CDIP1: variants seen among roughly 807,000 people sequenced by gnomAD.
The protein encoded by CDIP1 is cell death-inducing p53-target protein 1.
In CDIP1, 9 loss-of-function variants were observed where a neutral mutation model predicts 17.7. The observed-to-expected ratio is 0.51, with a 90% CI of 0.31 to 0.89. The LOEUF (loss-of-function observed/expected upper bound fraction) is 0.89, where lower values mean the gene tolerates loss of function less well. CDIP1 is among the 40% of genes least tolerant of loss of function. The pLI, the probability that CDIP1 is intolerant of heterozygous loss-of-function variation, is 0.05. For missense variants in CDIP1, 263 were observed against 277.9 expected (o/e 0.95, Z 0.38); for synonymous variants, 117 against 109.5 (o/e 1.07, Z -0.43).
At chr16:4,526,524 C>G (rs1390422685) in intron 1 of CDIP1, among the ~76,000 whole-genome samples, 1 of 151,620 alleles carries the variant, frequency 6.6e-6, no homozygotes, top group Non-Finnish European at 1.5e-5. Flanking sequence ...ATGGTGAAAA[C>G]CTGTCTCTAC....
chr16:4,524,565 C>G (rs562063257), intron 1 of CDIP1, among the ~76,000 whole-genome samples: 4 of 152,316 alleles, frequency 2.6e-5, no homozygotes, highest in African/African-American at 7.2e-5. Flanking sequence ...CAGCCCGGAG[C>G]CAGGCCCTTC....
At chr16:4,530,382 G>C (rs929621500) in intron 1 of CDIP1, among the ~76,000 whole-genome samples, 13 of 152,186 alleles carry the variant, frequency 8.5e-5, no homozygotes, top group African/African-American at 3.1e-4. Context: ...GGGTGCAGTG[G>C]CTCACGCCTG....
At chr16:4,529,382 C>G (rs144923147) in intron 1 of CDIP1, among the ~76,000 whole-genome samples, 29 of 152,324 alleles carry the variant, frequency 1.9e-4, no homozygotes, top group South Asian at 4.1e-4. Flanking sequence ...GCTGAGGACA[C>G]AGCCCCGGCC....
chr16:4,521,252 G>A (rs2058944672), intron 1 of CDIP1, among the ~76,000 whole-genome samples: 1 of 152,048 alleles, frequency 6.6e-6, no homozygotes, highest in Admixed American at 6.6e-5. Flanking sequence ...AAAGAGGCAT[G>A]GTAACAAATC....
rs1175721100 is a variant in CDIP1, at chr16:4,511,219, G to A, written c.*1353C>T. On this transcript the variant is annotated 3_prime_UTR_variant, in exon 6 of 6. Transcript: ENST00000567695. Reference sequence around the variant, plus strand: ...GGCATGGCATCAGCACTGAGGGTGTGAGACCCTGAGGACTCAGCCTCCCGT... The same window carrying A: ...GGCATGGCATCAGCACTGAGGGTGTAAGACCCTGAGGACTCAGCCTCCCGT... The A allele has an allele frequency of 6.6e-6, 1 of 152,618 alleles. No homozygotes were observed. The highest frequency in any genetic ancestry group is 1.5e-5 in the Non-Finnish European group (1 of 68,112). The allele number at this position is 152,618 out of a possible 1,614,324, so 9.5% of individuals were successfully genotyped here.
intron 1 of CDIP1, chr16:4,533,560 C>T (rs1411362369): frequency 6.6e-6 from 1 of 152,298 alleles, no homozygotes; most frequent in Non-Finnish European, 1.5e-5. Context: ...TCAGCAAGTC[C>T]TACTAACTCC....
chr16:4,523,458 G>C (rs947576819), intron 1 of CDIP1, among the ~76,000 whole-genome samples: 15 of 152,218 alleles, frequency 9.9e-5, no homozygotes, highest in African/African-American at 3.4e-4. Flanking sequence ...AGGTTGTAGT[G>C]AGCCAAGATC....
rs969290177 is a variant in CDIP1 at position 4,513,155 on chromosome 16, C to T, written c.242-91G>A. The T allele has an allele frequency of 2.9e-5, 38 of 1,320,168 alleles. No homozygotes were observed. Among genetic ancestry groups the T allele is most frequent in the Non-Finnish European group, 3.5e-5 (35 of 987,192 alleles). The allele number at this position is 1,320,168 out of a possible 1,614,324, so 81.8% of individuals were successfully genotyped here. On this transcript the variant is annotated intron_variant, in intron 4 of 5. Transcript: ENST00000567695. This position sits in a 1 kb window ranked among gnomAD's most constrained non-coding sequence, Gnocchi z 4.1. ...TGGCGCAAAGCCCCACGGTCCACAG[C>T]GCCCAGCGTGCAAGGCTACGCCTCA...
intron 1 of CDIP1, among the ~76,000 whole-genome samples, chr16:4,517,378 AC>A (rs1184744996): frequency 6.6e-6 from 1 of 152,036 alleles, no homozygotes; most frequent in Non-Finnish European, 1.5e-5. Flanking sequence ...TAAGTCTAGG[AC>A]CCCAGCATGA....
At chr16:4,519,717 G>A (rs981929522) in intron 1 of CDIP1, among the ~76,000 whole-genome samples, 2 of 152,126 alleles carry the variant, frequency 1.3e-5, no homozygotes, top group African/African-American at 2.4e-5. Context: ...TGGAGGAGAA[G>A]CGAGTGACTT....
At chr16:4,518,139 G>A (rs144578944) in intron 1 of CDIP1, among the ~76,000 whole-genome samples, 53 of 152,150 alleles carry the variant, frequency 3.5e-4, no homozygotes, top group African/African-American at 1.3e-3. Context: ...TCCCAGCCTG[G>A]GTCCCTTGCA....
At chr16:4,521,379 GAAGTT>G (rs1386882620) in intron 1 of CDIP1, among the ~76,000 whole-genome samples, 3 of 152,146 alleles carry the variant, frequency 2.0e-5, no homozygotes, top group Non-Finnish European at 2.9e-5. Flanking sequence ...ACCCCCACTA[GAAGTT>G]AAGGGGTGCG....
intron 1 of CDIP1, chr16:4,532,829 G>A (rs1001387203): frequency 6.6e-6 from 1 of 152,200 alleles, no homozygotes; most frequent in Non-Finnish European, 1.5e-5. Context: ...GACCATGCTG[G>A]GGACAGAAAC....
At chr16:4,526,752 TAAAAATAAAATA>T (rs1319301136) in intron 1 of CDIP1, among the ~76,000 whole-genome samples, 1 of 150,324 alleles carries the variant, frequency 6.7e-6, no homozygotes, top group African/African-American at 2.4e-5. Context: ...AAAATAAAAT[TAAAAATAAAATA>T]AAAAAGACAT....
chr16:4,537,998 C>G (rs1213022266), intron 1 of CDIP1, among the ~76,000 whole-genome samples: 1 of 152,234 alleles, frequency 6.6e-6, no homozygotes, highest in African/African-American at 2.4e-5. Context: ...CGGCCAAGGT[C>G]ACCCGCGGGG....
At chr16:4,537,600 G>T (rs2059122108) in intron 1 of CDIP1, among the ~76,000 whole-genome samples, 1 of 152,168 alleles carries the variant, frequency 6.6e-6, no homozygotes, top group African/African-American at 2.4e-5. Context: ...CACTGGGACA[G>T]GTTCTCAGCC....
intron 1 of CDIP1, among the ~76,000 whole-genome samples, chr16:4,530,457 C>T (rs1003267222): frequency 1.2e-4 from 17 of 144,962 alleles, no homozygotes; most frequent in Admixed American, 2.0e-4. Context: ...CGAAACCAGC[C>T]CGACCAACAT....
chr16:4,528,761 C>T (rs987863772), intron 1 of CDIP1, among the ~76,000 whole-genome samples: 5 of 150,566 alleles, frequency 3.3e-5, no homozygotes, highest in Middle Eastern at 3.5e-3. Context: ...GGCTGAGGCA[C>T]GCAGATCACC....
chr16:4,515,147 TA>T (rs1448016313), intron 1 of CDIP1: 2 of 152,150 alleles, frequency 1.3e-5, no homozygotes, highest in African/African-American at 4.8e-5. Flanking sequence ...TTACCTTAGC[TA>T]AAAGTAATAA....
Sources: allele counts gnomAD v4.1 joint callset (sites outside exome capture counted in the v4.1 genomes callset), GRCh38; gene constraint gnomAD v4.1.1; non-coding constraint Gnocchi (gnomAD v3.1); transcripts MANE v1.5; gene names NCBI Gene and HGNC (gene_info 2026-07-23, HGNC 2026-07-21).